DST: variants seen among roughly 807,000 people sequenced by gnomAD.
DST encodes dystonin.
A neutral mutation model predicts 875.2 loss-of-function variants in DST; 253 were observed. The ratio of observed to expected loss-of-function variants is 0.29; its 90% CI spans 0.26 to 0.32. The LOEUF is 0.32. DST is among the 10% of genes least tolerant of loss of function. The pLI is 1.00. For missense variants in DST, 8,287 were observed against 9,111.6 expected (o/e 0.91, Z 3.68); for synonymous variants, 3,124 against 3,197.1 (o/e 0.98, Z 0.77).
rs373903018 is a variant in DST, at chr6:56,620,899, CAAAA to C, written c.4929+3627_4929+3630del. ...GCCTCAGAAAGTCAGCAGAAGAGGA[CAAAA>C]AACCCTTCACGACAGGTTTTCTGAA... On this transcript the variant is annotated intron_variant, in intron 36 of 103. Transcript: ENST00000680361. Among the ~76,000 whole-genome samples the C allele has an allele frequency of 3.2e-3, 493 of 152,184 alleles. 4 individuals are homozygous for C. Among genetic ancestry groups the C allele is most frequent in the African/African-American group, 0.011 (477 of 41,514 alleles).
intron 2 of DST, among the ~76,000 whole-genome samples, chr6:56,927,527 CAGT>C (rs1411730181): frequency 1.3e-5 from 2 of 152,074 alleles, no homozygotes; most frequent in Non-Finnish European, 2.9e-5. Context: ...CAAGTAGAAT[CAGT>C]AGTGCATTAA....
chr6:56,762,816 A>C (rs2099620468), intron 4 of DST, among the ~76,000 whole-genome samples: 1 of 150,740 alleles, frequency 6.6e-6, no homozygotes, highest in Non-Finnish European at 1.5e-5. Context: ...ACTATACCAT[A>C]GGTAAAACAA....
intron 5 of DST, among the ~76,000 whole-genome samples, chr6:56,713,795 G>A (rs2099386065): frequency 2.0e-5 from 3 of 151,954 alleles, no homozygotes; most frequent in Admixed American, 6.6e-5. Flanking sequence ...AAAATCTAGG[G>A]GTCTCTTCAT....
chr6:56,777,110 T>C (rs1307354648), intron 4 of DST, among the ~76,000 whole-genome samples: 20 of 151,754 alleles, frequency 1.3e-4, no homozygotes, highest in Admixed American at 1.3e-3. Context: ...CTCTTATTGC[T>C]GATTATTCTT....
intron 3 of DST, among the ~76,000 whole-genome samples, chr6:56,891,954 C>A (rs1201286083): frequency 6.6e-6 from 1 of 152,172 alleles, no homozygotes; most frequent in Non-Finnish European, 1.5e-5. Flanking sequence ...TCCTCAGATT[C>A]CCCACCAGCA....
intron 4 of DST, among the ~76,000 whole-genome samples, chr6:56,826,741 A>C (rs1294123531): frequency 6.6e-6 from 1 of 152,254 alleles, no homozygotes; most frequent in Non-Finnish European, 1.5e-5. Context: ...CTGGTCATTC[A>C]GGATGTTTCC....
chr6:56,759,501 C>A (rs1258141922), intron 4 of DST, among the ~76,000 whole-genome samples: 1 of 152,114 alleles, frequency 6.6e-6, no homozygotes, highest in Non-Finnish European at 1.5e-5. Flanking sequence ...AAACGTCTAT[C>A]TCAAGAAACT....
At chr6:56,710,625 TATTA>T (rs1375816569) in intron 5 of DST, among the ~76,000 whole-genome samples, 5 of 152,192 alleles carry the variant, frequency 3.3e-5, no homozygotes, top group African/African-American at 1.2e-4. Flanking sequence ...TATATTAACA[TATTA>T]ATTATTGATA....
intron 4 of DST, among the ~76,000 whole-genome samples, chr6:56,737,647 C>T (rs577863870): frequency 4.6e-5 from 7 of 152,250 alleles, no homozygotes; most frequent in Admixed American, 4.6e-4. Flanking sequence ...TACTGGACAG[C>T]GCTACTTTAG....
chr6:56,834,772 G>A (rs2099791514), intron 4 of DST, among the ~76,000 whole-genome samples: 1 of 152,168 alleles, frequency 6.6e-6, no homozygotes, highest in African/African-American at 2.4e-5. Context: ...ATGAAAAACA[G>A]TACACCCACT....
chr6:56,636,524 C>T (rs747431887), intron 23 of DST, 33 bp downstream of exon 23: 3 of 1,555,354 alleles, frequency 1.9e-6, no homozygotes, highest in Non-Finnish European at 2.7e-6. Flanking sequence ...AATCACAATA[C>T]CATCTATTGA....
At chr6:56,930,894 C>A (rs1205018377) in intron 2 of DST, among the ~76,000 whole-genome samples, 1 of 152,170 alleles carries the variant, frequency 6.6e-6, no homozygotes, top group Non-Finnish European at 1.5e-5. Flanking sequence ...AAATCCAAAA[C>A]CCTTGCATGA....
At chr6:56,848,941 G>A (rs185991019) in intron 4 of DST, among the ~76,000 whole-genome samples, 3,270 of 142,220 alleles carry the variant, frequency 0.023, 114 homozygotes, top group African/African-American at 0.086. Context: ...TTGGGAGGCT[G>A]AGGCAGGAGA....
rs960595158 is a variant in DST, at chr6:56,631,344, T to C, written c.4009A>G (p.Ile1337Val). The part of the protein sequence containing the change: ...LERLKDDLGT[I>V]TNKCEEFFSQ... ...AAAAACTCCTCACACTTATTTGTGA[T>C]TGTTCCCAAATCATCTTTAAGTCGT... The change falls in exon 30 of 104, where the codon ATC becomes GTC. Residue 1337 changes from isoleucine to valine, a missense_variant. This residue lies in a region of DST where 3,138 missense variants were observed against 3,116.6 expected (regional missense o/e 1.01). Coordinates refer to ENST00000680361, the MANE Select transcript of DST (RefSeq NM_001374736.1). 3.7e-6 allele frequency: 6 copies of C among 1,613,926 alleles called. No individual in the cohort carries two copies. In the African/African-American group the frequency reaches 8.0e-5, roughly 22 times the overall value.
chr6:56,615,149 G>A (rs367689031), intron 36 of DST: 5 of 1,074,760 alleles, frequency 4.7e-6, no homozygotes, highest in African/African-American at 1.7e-5. Context: ...CTCTTTCAGC[G>A]AGTGCAATTT....
At chr6:56,800,348 C>G (rs966519050) in intron 4 of DST, among the ~76,000 whole-genome samples, 1 of 152,194 alleles carries the variant, frequency 6.6e-6, no homozygotes, top group Non-Finnish European at 1.5e-5. Flanking sequence ...AGAGTCAACT[C>G]TATTGATATA....
intron 36 of DST, chr6:56,617,467 G>T: frequency 7.0e-7 from 1 of 1,426,028 alleles, no homozygotes; most frequent in Non-Finnish European, 9.9e-7. Flanking sequence ...AGAACATTAT[G>T]TCACTTTATC....
At chr6:56,648,531 A>G (rs761818536) in intron 13 of DST, 39 bp downstream of exon 13, 2 of 1,520,494 alleles carry the variant, frequency 1.3e-6, no homozygotes. Flanking sequence ...AGGGTTTACA[A>G]TTGAATCAAT....
intron 9 of DST, among the ~76,000 whole-genome samples, chr6:56,672,611 T>C (rs768356562): frequency 4.6e-5 from 7 of 152,142 alleles, no homozygotes; most frequent in African/African-American, 7.2e-5. Flanking sequence ...AGAGTTTAAG[T>C]CCCATGTCCA....
Sources: allele counts gnomAD v4.1 joint callset (sites outside exome capture counted in the v4.1 genomes callset), GRCh38; gene constraint gnomAD v4.1.1; regional missense constraint gnomAD v4.1.1; transcripts MANE v1.5; gene names NCBI Gene and HGNC (gene_info 2026-07-23, HGNC 2026-07-21).